ANO6: variants seen among roughly 807,000 people sequenced by gnomAD.
ANO6 encodes anoctamin 6.
Under a neutral mutation model 117.5 loss-of-function variants are expected in ANO6, and 106 were observed. The ratio of observed to expected loss-of-function variants is 0.90; its 90% CI spans 0.77 to 1.06. The LOEUF is 1.06. ANO6 is among the 50% of genes least tolerant of loss of function. The pLI is 0.00. For synonymous variants in ANO6, 367 were observed against 385.1 expected (o/e 0.95, Z 0.55); for missense variants, 955 against 1,121.1 (o/e 0.85, Z 2.12).
At chr12:45,410,335 C>T (rs1361870113) in intron 16 of ANO6, among the ~76,000 whole-genome samples, 1 of 152,180 alleles carries the variant, frequency 6.6e-6, no homozygotes, top group Non-Finnish European at 1.5e-5. Context: ...CTTCATGGCT[C>T]ATAACTGGCC....
chr12:45,395,950 C>G (rs1349304166), intron 12 of ANO6, among the ~76,000 whole-genome samples: 2 of 152,320 alleles, frequency 1.3e-5, no homozygotes, highest in Admixed American at 1.3e-4. Flanking sequence ...GATGCCCTCT[C>G]TCTCCACTCC....
chr12:45,343,610 A>T (rs1941042911), intron 3 of ANO6, among the ~76,000 whole-genome samples: 1 of 152,246 alleles, frequency 6.6e-6, no homozygotes, highest in East Asian at 1.9e-4. Context: ...CTTACTTACC[A>T]GTATCATAAA....
chr12:45,222,481 T>C (rs1213009774), intron 1 of ANO6, among the ~76,000 whole-genome samples: 1 of 152,130 alleles, frequency 6.6e-6, no homozygotes. Flanking sequence ...CATAGTAATT[T>C]CAGCCTCACC....
In ANO6 at chr12:45,402,937, C is replaced by T. The variant is rs554863835; in HGVS notation, c.1613-135C>T. On this transcript the variant is annotated intron_variant, in intron 13 of 19. Transcript: ENST00000320560. ...AGTGGCTATATTAAGGAATTCAAAA[C>T]AGCTTAAATGGAAACAGTGTGAATT... The T allele has an allele frequency of 1.3e-4, 113 of 867,044 alleles. 1 individual carries two copies. The African/African-American group carries it at 1.8e-3, about 14-fold the overall frequency. The allele number at this position is 867,044 out of a possible 1,614,324, so 53.7% of individuals were successfully genotyped here. A position where few individuals can be genotyped will look rare whatever the true frequency, so the allele number is the denominator to read the frequency against.
chr12:45,242,691 A>G (rs1947765042), intron 1 of ANO6, among the ~76,000 whole-genome samples: 1 of 152,142 alleles, frequency 6.6e-6, no homozygotes, highest in African/African-American at 2.4e-5. Context: ...AGCTGTTCCT[A>G]TTCGGCCGTC....
At chr12:45,388,063 C>T in intron 10 of ANO6, 98 bp from the exon 11 acceptor site, 1 of 1,498,442 alleles carries the variant, frequency 6.7e-7, no homozygotes, top group African/African-American at 1.4e-5. Flanking sequence ...AGTGTGAAAA[C>T]AGGCCAGTAC....
chr12:45,391,201 A>G (rs547555383), intron 12 of ANO6, among the ~76,000 whole-genome samples: 3 of 152,348 alleles, frequency 2.0e-5, no homozygotes, highest in African/African-American at 4.8e-5. Flanking sequence ...AAAACTCTTG[A>G]AAGTTGTAAA....
At chr12:45,428,492 G>T (rs912120785) in intron 19 of ANO6, among the ~76,000 whole-genome samples, 2 of 152,036 alleles carry the variant, frequency 1.3e-5, no homozygotes, top group African/African-American at 2.4e-5. Context: ...CATACTTCTG[G>T]ATCACTTGAG....
Position 45,430,021 on chromosome 12 carries a change from G to T in ANO6, c.*710G>T. The T allele has an allele frequency of 1.0e-6, 1 of 985,434 alleles. No homozygotes were observed. The highest frequency in any genetic ancestry group is 4.7e-5 in the South Asian group (1 of 21,284). The allele number at this position is 985,434 out of a possible 1,614,324, so 61.0% of individuals were successfully genotyped here. On this transcript the variant is annotated 3_prime_UTR_variant, in exon 20 of 20. Coordinates refer to ENST00000320560, the MANE Select transcript of ANO6 (RefSeq NM_001025356.3). ...TCCAGGAGCACTCCTAGGAGGTTCC[G>T]TGCCTAATCAATGTTGACTGCTTTG...
Position 45,342,736 on chromosome 12 carries a change from G to A in ANO6, c.280-4286G>A, listed in dbSNP as rs532158738. 2.3e-4 allele frequency among the ~76,000 whole-genome samples: 35 copies of A among 152,272 alleles called. No individual in the cohort carries two copies. In the South Asian group the frequency reaches 7.2e-3, roughly 32 times the overall value. On this transcript the variant is annotated intron_variant, in intron 3 of 19. Transcript: ENST00000320560. Reference sequence around the variant, plus strand: ...TGTGTGCTTACTCTGTTATAGGCTTGTTTTAAGTGTTAATGATATCAAGAT... The same window carrying A: ...TGTGTGCTTACTCTGTTATAGGCTTATTTTAAGTGTTAATGATATCAAGAT...
intron 11 of ANO6, among the ~76,000 whole-genome samples, chr12:45,390,163 T>G (rs1343917686): frequency 6.6e-6 from 1 of 152,166 alleles, no homozygotes; most frequent in African/African-American, 2.4e-5. Context: ...ACACCCAGAT[T>G]CCTGAGCTCG....
At chr12:45,349,021 T>A (rs745460428) in intron 6 of ANO6, among the ~76,000 whole-genome samples, 1 of 152,170 alleles carries the variant, frequency 6.6e-6, no homozygotes, top group Non-Finnish European at 1.5e-5. Context: ...TGGGGATAAA[T>A]TATTACCTAC....
rs571931876 is a variant in ANO6, at chr12:45,244,764, G to A, written c.70+28373G>A. ...CGTAAGGTTTGCCTGCTTTAAAATG[G>A]GTGCACTACAGTGGCTTCCCTTGGG... is the stretch of plus-strand genomic sequence containing the variant. On this transcript the variant is annotated intron_variant, in intron 1 of 19. Transcript: ENST00000320560. 4.6e-5 allele frequency among the ~76,000 whole-genome samples: 7 copies of A among 152,234 alleles called. No individual in the cohort carries two copies. The South Asian group carries it at 1.4e-3, about 32-fold the overall frequency.
At chr12:45,393,353 C>A (rs1016738618) in intron 12 of ANO6, among the ~76,000 whole-genome samples, 1 of 152,094 alleles carries the variant, frequency 6.6e-6, no homozygotes, top group Non-Finnish European at 1.5e-5. Flanking sequence ...TGTGAAAAGA[C>A]CAAATATGTG....
intron 2 of ANO6, 130 bp downstream of exon 2, chr12:45,302,223 A>T (rs569940454): frequency 2.4e-6 from 2 of 829,148 alleles, no homozygotes; most frequent in Non-Finnish European, 4.0e-6. Context: ...TATTGCAGGG[A>T]CTGTGCGTTC....
At chr12:45,410,531 A>G (rs775475477) in intron 16 of ANO6, among the ~76,000 whole-genome samples, 102 of 152,266 alleles carry the variant, frequency 6.7e-4, no homozygotes, top group Admixed American at 6.5e-4. Flanking sequence ...AGGAAACACC[A>G]CCTTTTGTAT....
At chr12:45,234,600 T>C (rs903790755) in intron 1 of ANO6, among the ~76,000 whole-genome samples, 23 of 152,204 alleles carry the variant, frequency 1.5e-4, no homozygotes, top group African/African-American at 5.5e-4. Flanking sequence ...CTGACACTGA[T>C]GTTGGTTTCT....
In ANO6 at chr12:45,431,246, G is replaced by C; in HGVS notation, c.*1935G>C. The stretch of plus-strand genomic sequence containing the variant: ...CACTGAAGGAAACTCTTTCTCATTC[G>C]CAGCCAAGACGGGAGTGCCACTGTT... On this transcript the variant is annotated 3_prime_UTR_variant, in exon 20 of 20. Transcript: ENST00000320560. 1.0e-6 allele frequency: 1 copy of C among 985,318 alleles called. No homozygotes were observed. Among genetic ancestry groups the C allele is most frequent in the Non-Finnish European group, 1.2e-6 (1 of 829,924 alleles). 61.0% of individuals were successfully genotyped at this position (985,318 alleles called of 1,614,324 possible).
chr12:45,277,754 T>G (rs1031756615), intron 1 of ANO6, among the ~76,000 whole-genome samples: 5 of 152,190 alleles, frequency 3.3e-5, no homozygotes, highest in Admixed American at 3.3e-4. Context: ...CCTTCTACTT[T>G]CAGGAGTTGC....
Sources: allele counts gnomAD v4.1 joint callset (sites outside exome capture counted in the v4.1 genomes callset), GRCh38; gene constraint gnomAD v4.1.1; transcripts MANE v1.5; gene names NCBI Gene and HGNC (gene_info 2026-07-23, HGNC 2026-07-21).